BRAF: variants seen among roughly 807,000 people sequenced by gnomAD.
BRAF encodes the protein serine/threonine-protein kinase B-raf.
A neutral mutation model predicts 104.6 loss-of-function variants in BRAF; 16 were observed. The observed-to-expected ratio is 0.15, with a 90% CI of 0.10 to 0.23. The LOEUF is 0.23. Ranked by LOEUF, BRAF falls within the 10% of genes least tolerant of loss-of-function variation. The pLI is 1.00. For missense variants in BRAF, 541 were observed against 937.3 expected, an observed-to-expected ratio of 0.58 and a Z score of 5.52; for synonymous variants, 310 against 341.6, an observed-to-expected ratio of 0.91 and a Z score of 1.02.
intron 1 of BRAF, among the ~76,000 whole-genome samples, chr7:140,851,181 T>C (rs1018105074): frequency 2.6e-5 from 4 of 152,050 alleles, no homozygotes; most frequent in Non-Finnish European, 5.9e-5. Flanking sequence ...TGTTTTAAGA[T>C]AAATAAGTAA....
At chr7:140,880,879 A>G (rs1586521899) in intron 1 of BRAF, among the ~76,000 whole-genome samples, 1 of 151,990 alleles carries the variant, frequency 6.6e-6, no homozygotes, top group African/African-American at 2.4e-5. Context: ...CTGAGGCAGG[A>G]GGATTGCTTG....
intron 8 of BRAF, among the ~76,000 whole-genome samples, chr7:140,791,371 T>A (rs1039385302): frequency 4.6e-5 from 7 of 152,322 alleles, no homozygotes; most frequent in Admixed American, 3.9e-4. Flanking sequence ...ACCAACTACT[T>A]TGGTATTCTT....
intron 1 of BRAF, among the ~76,000 whole-genome samples, chr7:140,877,309 T>A (rs1586506996): frequency 1.4e-5 from 1 of 71,450 alleles, no homozygotes; most frequent in Non-Finnish European, 2.7e-5. Context: ...GGGGGGTGGG[T>A]CTTGCATGTT....
chr7:140,720,259 A>T lies in BRAF; in HGVS notation c.*6235T>A, dbSNP rs1795256721. 9.4e-7 allele frequency: 1 copy of T among 1,062,690 alleles called. No individual in the cohort carries two copies. Among genetic ancestry groups the T allele is most frequent in the Non-Finnish European group, 1.1e-6 (1 of 877,766 alleles). 65.8% of individuals were successfully genotyped at this position (1,062,690 alleles called of 1,614,324 possible). A position where few individuals can be genotyped will look rare whatever the true frequency, so the allele number is the denominator to read the frequency against. ...ATATCACTGTGATACAGTCCTCAAAAATCAGGCGATATCATGAAGGCCAAA... is the reference window on the plus strand; with the variant it reads ...ATATCACTGTGATACAGTCCTCAAATATCAGGCGATATCATGAAGGCCAAA... On this transcript the variant is annotated 3_prime_UTR_variant, in exon 20 of 20. Transcript: ENST00000644969.
chr7:140,829,387 T>C (rs1806465230), intron 3 of BRAF, among the ~76,000 whole-genome samples: 2 of 150,760 alleles, frequency 1.3e-5, no homozygotes, highest in African/African-American at 4.9e-5. Flanking sequence ...TCTGATAGAA[T>C]TTACTTTTGT....
intron 3 of BRAF, among the ~76,000 whole-genome samples, chr7:140,818,955 T>C (rs1805182711): frequency 6.6e-6 from 1 of 152,214 alleles, no homozygotes; most frequent in African/African-American, 2.4e-5. Flanking sequence ...ACAAAGAAGA[T>C]ACTGAAGAGA....
At chr7:140,882,543 A>G (rs1423464193) in intron 1 of BRAF, among the ~76,000 whole-genome samples, 1 of 151,896 alleles carries the variant, frequency 6.6e-6, no homozygotes, top group African/African-American at 2.4e-5. Flanking sequence ...ACACCCAGCT[A>G]ATTTTTGTAT....
rs546106382 is a variant in BRAF at position 140,882,941 on chromosome 7, C to A, written c.139-32729G>T. ...CCTGGGAGGCGGAGGCTGCAGTGAG[C>A]CAAGATTGCACCACTGCACTCCAGC... On this transcript the variant is annotated intron_variant, in intron 1 of 19. Coordinates refer to ENST00000644969, the MANE Select transcript of BRAF (RefSeq NM_001374258.1). Among the ~76,000 whole-genome samples the A allele has an allele frequency of 7.3e-5, 11 of 151,602 alleles. No homozygotes were observed. In the East Asian group the frequency reaches 2.2e-3, roughly 30 times the overall value.
intron 14 of BRAF, among the ~76,000 whole-genome samples, chr7:140,763,476 C>G (rs1312246419): frequency 6.6e-6 from 1 of 152,146 alleles, no homozygotes; most frequent in Admixed American, 6.5e-5. Context: ...ACCCCCCCAC[C>G]TCCTTCCCGG....
At chr7:140,762,802 G>A (rs1288103985) in intron 14 of BRAF, among the ~76,000 whole-genome samples, 1 of 152,092 alleles carries the variant, frequency 6.6e-6, no homozygotes, top group Non-Finnish European at 1.5e-5. Flanking sequence ...AGGGAGTGGT[G>A]ATGACTCTTA....
intron 19 of BRAF, chr7:140,732,056 A>AGCTACTTG: frequency 1.4e-5 from 2 of 147,526 alleles, no homozygotes; most frequent in Middle Eastern, 6.9e-3. Context: ...CTGTAGTCCC[A>AGCTACTTG]GCTACTTGGG....
chr7:140,793,825 C>G (rs1012320664), intron 8 of BRAF, among the ~76,000 whole-genome samples: 8 of 152,146 alleles, frequency 5.3e-5, no homozygotes, highest in African/African-American at 1.9e-4. Context: ...TGGGGTCTCA[C>G]TATGTTGCCT....
chr7:140,714,170 G>A, the BRAF span, among the ~76,000 whole-genome samples: 3 of 152,158 alleles, frequency 2.0e-5, no homozygotes, highest in African/African-American at 2.4e-5. Flanking sequence ...CTTCTGCATC[G>A]CTCACGCTGG....
chr7:140,813,918 C>T (rs1184659209), intron 3 of BRAF, among the ~76,000 whole-genome samples: 31 of 151,902 alleles, frequency 2.0e-4, no homozygotes, highest in Admixed American at 2.0e-3. Context: ...CACACACCCT[C>T]CTTAAAAAAG....
At chr7:140,762,067 C>G (rs1015371785) in intron 14 of BRAF, among the ~76,000 whole-genome samples, 7 of 152,132 alleles carry the variant, frequency 4.6e-5, no homozygotes, top group Admixed American at 2.6e-4. Context: ...ACTCTCCACC[C>G]CAAATCAACA....
intron 8 of BRAF, among the ~76,000 whole-genome samples, chr7:140,793,823 C>T (rs879761332): frequency 5.3e-5 from 8 of 152,114 alleles, no homozygotes; most frequent in Non-Finnish European, 8.8e-5. Flanking sequence ...GATGGGGTCT[C>T]ACTATGTTGC....
At chr7:140,784,811 AT>A (rs987989514) in intron 10 of BRAF, among the ~76,000 whole-genome samples, 3 of 151,694 alleles carry the variant, frequency 2.0e-5, no homozygotes, top group African/African-American at 7.3e-5. Context: ...TGCCTAGCTA[AT>A]TTTTTTTGTA....
intron 1 of BRAF, among the ~76,000 whole-genome samples, chr7:140,871,660 C>G (rs530590126): frequency 6.6e-6 from 1 of 152,122 alleles, no homozygotes; most frequent in African/African-American, 2.4e-5. Context: ...ACTAAGGCAT[C>G]AGAATTATTT....
At chr7:140,913,397 C>T (rs1817219062) in intron 1 of BRAF, among the ~76,000 whole-genome samples, 1 of 150,618 alleles carries the variant, frequency 6.6e-6, no homozygotes, top group East Asian at 1.9e-4. Context: ...TACCTGTTGC[C>T]CTAAGAAATG....
Sources: allele counts gnomAD v4.1 joint callset (sites outside exome capture counted in the v4.1 genomes callset), GRCh38; gene constraint gnomAD v4.1.1; transcripts MANE v1.5; gene names NCBI Gene and HGNC (gene_info 2026-07-23, HGNC 2026-07-21).